EML6: variants seen among roughly 807,000 people sequenced by gnomAD.
The protein encoded by EML6 is EMAP like 6, also known as echinoderm microtubule-associated protein-like 6.
In EML6, 154 loss-of-function variants were observed where a neutral mutation model predicts 240.1. The ratio of observed to expected loss-of-function variants is 0.64; its 90% CI spans 0.56 to 0.73. EML6 has a LOEUF of 0.73. EML6 is among the 30% of genes least tolerant of loss of function. The pLI is 0.00. For synonymous variants in EML6, 1,148 were observed against 899.0 expected (o/e 1.28, Z -4.95); for missense variants, 2,964 against 2,474.6 (o/e 1.20, Z -4.20).
intron 2 of EML6, among the ~76,000 whole-genome samples, chr2:54,744,951 CACACACACA>C (rs1204475923): frequency 6.7e-5 from 8 of 120,278 alleles, no homozygotes; most frequent in South Asian, 5.7e-4. Flanking sequence ...CACACACACA[CACACACACA>C]CACCCTGCCA....
At position 54,960,277 on chromosome 2, in the gene EML6, C is replaced by T; in HGVS notation, c.4911C>T (p.Ala1637=). Residue 1637 remains alanine (A), a synonymous_variant, in exon 35 of 42, where the codon GCC becomes GCT. Transcript: ENST00000356458. ...LWDQEMKRCR[A]FQLETGQLVE... is the part of the protein sequence containing the mutation. ...ACCAGGAGATGAAGCGCTGCCGGGC[C>T]TTTCAGCTGGAGACCGGGCAGCTGG... 6.4e-7 allele frequency: 1 copy of T among 1,551,594 alleles called. No homozygotes were observed. Among genetic ancestry groups the T allele is most frequent in the South Asian group, 1.2e-5 (1 of 84,060 alleles).
chr2:54,745,995 T>C (rs957281981), intron 2 of EML6, among the ~76,000 whole-genome samples: 1 of 152,120 alleles, frequency 6.6e-6, no homozygotes, highest in African/African-American at 2.4e-5. Flanking sequence ...TTGCTGGAGC[T>C]GGTGGTGGAG....
intron 17 of EML6, among the ~76,000 whole-genome samples, chr2:54,885,230 A>G (rs1672062892): frequency 6.6e-6 from 1 of 152,110 alleles, no homozygotes; most frequent in South Asian, 2.1e-4. Flanking sequence ...GGATCACCTC[A>G]GGTCAGGAGT....
At chr2:54,802,671 A>ACTG (rs1412457699) in intron 2 of EML6, among the ~76,000 whole-genome samples, 25 of 140,028 alleles carry the variant, frequency 1.8e-4, no homozygotes, top group African/African-American at 6.1e-4. Flanking sequence ...TACTACTGCT[A>ACTG]CTACTACTAC....
chr2:54,884,830 T>C (rs1044658349), intron 17 of EML6, among the ~76,000 whole-genome samples: 21 of 152,220 alleles, frequency 1.4e-4, no homozygotes, highest in South Asian at 2.1e-4. Flanking sequence ...CTCTAGTCTC[T>C]CTAAAGTATA....
chr2:54,808,648 G>T (rs1384630441), intron 2 of EML6, among the ~76,000 whole-genome samples: 2 of 152,152 alleles, frequency 1.3e-5, no homozygotes, highest in African/African-American at 4.8e-5. Flanking sequence ...GCTGCACTTG[G>T]AACAAGTGCT....
chr2:54,859,446 C>T, intron 11 of EML6, 88 bp from the exon 12 acceptor site: 5 of 996,020 alleles, frequency 5.0e-6, no homozygotes, highest in Non-Finnish European at 7.4e-6. Context: ...AAAGATTTTA[C>T]TCTTCAACAT....
chr2:54,800,150 C>T (rs531258740), intron 2 of EML6, among the ~76,000 whole-genome samples: 66 of 152,244 alleles, frequency 4.3e-4, no homozygotes, highest in Admixed American at 4.0e-3. Context: ...GAGGCTGAGG[C>T]AGAAGAATCG....
chr2:54,904,274 C>T (rs923335399), intron 24 of EML6, among the ~76,000 whole-genome samples: 24 of 152,146 alleles, frequency 1.6e-4, no homozygotes, highest in African/African-American at 5.8e-4. Context: ...ATTCAGTACC[C>T]AGGGTGGAAC....
chr2:54,856,058 ATATGTG>A (rs1300203920), intron 11 of EML6, among the ~76,000 whole-genome samples: 3 of 152,238 alleles, frequency 2.0e-5, no homozygotes, highest in Admixed American at 6.5e-5. Flanking sequence ...GTTTGCAATT[ATATGTG>A]TATAACAATC....
At chr2:54,761,411 A>G (rs1347691536) in intron 2 of EML6, among the ~76,000 whole-genome samples, 1 of 152,166 alleles carries the variant, frequency 6.6e-6, no homozygotes, top group Non-Finnish European at 1.5e-5. Flanking sequence ...CAGTGTTTAT[A>G]ATTTCTGGTA....
At chr2:54,839,029 A>C (rs890460930) in intron 7 of EML6, among the ~76,000 whole-genome samples, 1 of 152,268 alleles carries the variant, frequency 6.6e-6, no homozygotes, top group Non-Finnish European at 1.5e-5. Context: ...AAGCAGTATA[A>C]GACAGCTTCG....
intron 6 of EML6, 121 bp downstream of exon 6, chr2:54,827,872 T>C (rs1668672368): frequency 1.4e-5 from 9 of 658,126 alleles, no homozygotes; most frequent in Middle Eastern, 4.1e-4. Context: ...CACTCCCTAC[T>C]CATGATAATT....
chr2:54,955,219 C>G (rs1309719349), intron 32 of EML6, among the ~76,000 whole-genome samples: 1 of 152,178 alleles, frequency 6.6e-6, no homozygotes, highest in Non-Finnish European at 1.5e-5. Flanking sequence ...AGATTCATTC[C>G]TTGTGATGTC....
At position 54,810,898 on chromosome 2, in the gene EML6, A is replaced by G. The variant is rs182398879; in HGVS notation, c.198-2334A>G. Among the ~76,000 whole-genome samples the G allele has an allele frequency of 2.9e-3, 437 of 152,256 alleles. 2 individuals carry two copies. The highest frequency in any genetic ancestry group is 4.5e-3 in the Non-Finnish European group (306 of 68,004). On this transcript the variant is annotated intron_variant, in intron 2 of 41. Coordinates refer to ENST00000356458, the MANE Select transcript of EML6 (RefSeq NM_001039753.4). ...CCTTGGTTTCCCCACTAAAAATTGGATAGTTAGGCCATCTTTTCCCAGGAT... is the reference window on the plus strand; with the variant it reads ...CCTTGGTTTCCCCACTAAAAATTGGGTAGTTAGGCCATCTTTTCCCAGGAT...
intron 28 of EML6, among the ~76,000 whole-genome samples, chr2:54,934,848 G>C (rs565774793): frequency 3.3e-5 from 5 of 152,242 alleles, no homozygotes; most frequent in Non-Finnish European, 7.4e-5. Flanking sequence ...ACCATGCCCA[G>C]CTCAAAAAAT....
Position 54,894,230 on chromosome 2 carries a change from T to C in EML6, c.2743-685T>C, listed in dbSNP as rs183900882. Among the ~76,000 whole-genome samples the C allele has an allele frequency of 2.2e-3, 330 of 150,374 alleles. 3 individuals are homozygous for C. The highest frequency in any genetic ancestry group is 5.2e-3 in the East Asian group (27 of 5,148). On this transcript the variant is annotated intron_variant, in intron 19 of 41. Coordinates refer to ENST00000356458, the MANE Select transcript of EML6 (RefSeq NM_001039753.4). ...AAAAAAAAAAAACCTCTAAGAACAG[T>C]TGGTATATATAATAAATTACCAGAA...
intron 14 of EML6, chr2:54,867,590 C>T (rs1671039054): frequency 6.6e-6 from 1 of 152,146 alleles, no homozygotes. Flanking sequence ...CTCATCTCTA[C>T]AAAAAACTAG....
chr2:54,860,652 C>G (rs1374878977), intron 12 of EML6, among the ~76,000 whole-genome samples: 2 of 152,206 alleles, frequency 1.3e-5, no homozygotes, highest in Non-Finnish European at 1.5e-5. Flanking sequence ...CAAGGAAATG[C>G]ATCCTAAACC....
Sources: allele counts gnomAD v4.1 joint callset (sites outside exome capture counted in the v4.1 genomes callset), GRCh38; gene constraint gnomAD v4.1.1; transcripts MANE v1.5; gene names NCBI Gene and HGNC (gene_info 2026-07-23, HGNC 2026-07-21).